Variants in PCDHA6 observed in about 807,000 individuals in gnomAD.
The protein encoded by PCDHA6 is protocadherin alpha 6.
A neutral mutation model predicts 60.3 loss-of-function variants in PCDHA6; 55 were observed. The ratio of observed to expected loss-of-function variants is 0.91; its 90% CI spans 0.73 to 1.14. The LOEUF is 1.14. Among genes scored for constraint, PCDHA6 ranks in the 50% most tolerant of loss-of-function variants. The probability of loss-of-function intolerance (pLI) is 0.00; values close to 1 mark genes in which losing one functional copy is unlikely to be tolerated. For synonymous variants in PCDHA6, 652 were observed against 557.9 expected (o/e 1.17, Z -2.38); for missense variants, 1,327 against 1,256.5 (o/e 1.06, Z -0.85).
intron 1 of PCDHA6, chr5:140,836,852 AT>A: frequency 2.5e-6 from 2 of 810,938 alleles, no homozygotes; most frequent in Non-Finnish European, 3.8e-6. Flanking sequence ...TATAATTATT[AT>A]TTTTTAATGT....
intron 1 of PCDHA6, chr5:140,857,643 T>C (rs1406049950): frequency 4.4e-6 from 7 of 1,596,508 alleles, no homozygotes; most frequent in Non-Finnish European, 5.1e-6. Flanking sequence ...CTGCTACAGT[T>C]CCAGGTGAGC....
At position 140,829,044 on chromosome 5, in the gene PCDHA6, T is replaced by A; in HGVS notation, c.953T>A (p.Ile318Asn). 8.1e-6 allele frequency: 13 copies of A among 1,613,140 alleles called. No individual in the cohort carries two copies. Among genetic ancestry groups the A allele is most frequent in the Non-Finnish European group, 1.1e-5 (13 of 1,179,164 alleles). Residue 318 changes from isoleucine (I) to asparagine (N), a missense_variant, in exon 1 of 4, where the codon ATC (isoleucine) becomes AAC (asparagine). Physicochemically the swap from Ile to Asn is moderately radical, Grantham distance 149. Coordinates refer to ENST00000529310, the MANE Select transcript of PCDHA6 (RefSeq NM_018909.4). ...LDFEQENLYK[I>N]LIDATDKGHP... ...TTTGAACAAGAAAACTTATACAAAA[T>A]CCTCATTGACGCCACGGACAAAGGC...
intron 1 of PCDHA6, chr5:140,969,611 A>G: frequency 1.4e-6 from 1 of 723,476 alleles, no homozygotes; most frequent in Non-Finnish European, 2.2e-6. Flanking sequence ...TAAAACACAG[A>G]TTTGTAGAGA....
intron 3 of PCDHA6, among the ~76,000 whole-genome samples, chr5:140,984,963 A>T (rs1390500469): frequency 1.3e-5 from 2 of 151,890 alleles, no homozygotes; most frequent in Non-Finnish European, 2.9e-5. Context: ...TTTGAGACAG[A>T]GTCTCGCTCT....
intron 1 of PCDHA6, among the ~76,000 whole-genome samples, chr5:140,941,214 C>CTTCCTTTCTTT (rs1554214039): frequency 8.2e-6 from 1 of 122,414 alleles, no homozygotes; most frequent in Non-Finnish European, 1.7e-5. Context: ...TTTCTTTCTT[C>CTTCCTTTCTTT]CTTTCTTTCT....
intron 1 of PCDHA6, chr5:140,875,272 A>G: frequency 1.6e-6 from 2 of 1,265,056 alleles, no homozygotes; most frequent in Non-Finnish European, 2.1e-6. Context: ...CTCTACACTC[A>G]GAAGGTGAAA....
rs2098331172 is a variant in PCDHA6, at chr5:141,007,465, G to A, written c.2543-2162G>A. Among the ~76,000 whole-genome samples, 5 of 151,906 alleles carry A rather than the reference G, an allele frequency of 3.3e-5. No individual in the cohort carries two copies. The South Asian group carries it at 1.0e-3, about 32-fold the overall frequency. ...TGCCTGTAGTCCCAGCTACTCAGGA[G>A]GCTGAGGCACGAGAATTACTTGGAC... On this transcript the variant is annotated intron_variant, in intron 3 of 3. Transcript: ENST00000529310.
chr5:140,902,530 G>A (rs569387885), intron 1 of PCDHA6, among the ~76,000 whole-genome samples: 11 of 152,144 alleles, frequency 7.2e-5, no homozygotes, highest in African/African-American at 2.7e-4. Flanking sequence ...TTATTATGTT[G>A]AGGTATGTTC....
intron 1 of PCDHA6, among the ~76,000 whole-genome samples, chr5:140,939,081 G>A (rs547616686): frequency 1.3e-5 from 2 of 152,222 alleles, no homozygotes; most frequent in African/African-American, 2.4e-5. Context: ...GCATAAACTG[G>A]GTGGCTTAAA....
intron 1 of PCDHA6, chr5:140,841,266 CAG>C (rs1777120353): frequency 6.6e-7 from 1 of 1,522,182 alleles, no homozygotes; most frequent in African/African-American, 1.4e-5. Flanking sequence ...TCTGAAAGTA[CAG>C]TCGTTCATCT....
intron 1 of PCDHA6, among the ~76,000 whole-genome samples, chr5:140,940,929 A>G (rs2092704989): frequency 1.3e-5 from 2 of 152,230 alleles, no homozygotes; most frequent in Non-Finnish European, 2.9e-5. Flanking sequence ...CTCCTTGGCT[A>G]CTTAGACTAC....
chr5:140,973,199 G>A (rs574187280), intron 1 of PCDHA6, among the ~76,000 whole-genome samples: 3 of 152,296 alleles, frequency 2.0e-5, no homozygotes, highest in East Asian at 3.9e-4. Context: ...CACTATGTGT[G>A]CATATTCACC....
intron 1 of PCDHA6, chr5:140,884,831 ATCCT>A: frequency 1.1e-6 from 1 of 939,722 alleles, no homozygotes; most frequent in Non-Finnish European, 1.5e-6. Flanking sequence ...GTGTTGGATT[ATCCT>A]TCAGAGTGAA....
rs782116961 is a variant in PCDHA6, at chr5:140,966,933, C to T, written c.2395-12016C>T. On this transcript the variant is annotated intron_variant, in intron 1 of 3. Transcript: ENST00000529310. ...GTGCCAGAGGAGCAGGCACCCGGCGCGCTCGTGGGCAACGTGGCTCGCGCG... is the reference window on the plus strand; with the variant it reads ...GTGCCAGAGGAGCAGGCACCCGGCGTGCTCGTGGGCAACGTGGCTCGCGCG... 2.5e-6 allele frequency: 4 copies of T among 1,603,904 alleles called. No individual in the cohort carries two copies. The highest frequency in any genetic ancestry group is 1.1e-5 in the South Asian group (1 of 90,778).
intron 3 of PCDHA6, among the ~76,000 whole-genome samples, chr5:140,985,795 A>G (rs2097171299): frequency 7.3e-6 from 1 of 136,386 alleles, no homozygotes; most frequent in African/African-American, 2.8e-5. Context: ...GCTGGAGTGC[A>G]GTGGCACGAT....
At chr5:140,885,236 T>C (rs2060525853) in intron 1 of PCDHA6, among the ~76,000 whole-genome samples, 1 of 152,166 alleles carries the variant, frequency 6.6e-6, no homozygotes, top group Non-Finnish European at 1.5e-5. Context: ...CTGCTTTCAA[T>C]TTTTTATTTG....
chr5:140,876,012 T>C (rs2056048598), intron 1 of PCDHA6: 1 of 1,613,604 alleles, frequency 6.2e-7, no homozygotes, highest in Non-Finnish European at 8.5e-7. Flanking sequence ...ATTTTGAGCT[T>C]AAAATAAAAA....
chr5:140,860,428 T>A (rs1198179293), intron 1 of PCDHA6: 8 of 152,144 alleles, frequency 5.3e-5, no homozygotes, highest in African/African-American at 1.4e-4. Context: ...ATCCTGCAAA[T>A]ATGATCTTTT....
chr5:140,909,072 C>A (rs2074300655), intron 1 of PCDHA6, among the ~76,000 whole-genome samples: 1 of 152,162 alleles, frequency 6.6e-6, no homozygotes, highest in African/African-American at 2.4e-5. Flanking sequence ...CCAATAAGCC[C>A]AGTGTGTTTG....
Sources: gnomAD v4.1 joint callset for allele counts (sites outside exome capture counted in the v4.1 genomes callset) on GRCh38, gnomAD v4.1.1 for gene constraint, MANE v1.5 for transcripts, NCBI Gene and HGNC (gene_info 2026-07-23, HGNC 2026-07-21) for gene names.